The following OR7E24 variants were observed in gnomAD, a reference collection of about 807,000 sequenced individuals.
OR7E24 encodes the protein olfactory receptor 7E24.
For synonymous variants in OR7E24, 130 were observed against 157.5 expected (o/e 0.83, Z 1.31); for missense variants, 385 against 410.3 (o/e 0.94, Z 0.53).
At chr19:9,214,271 G>A in the OR7E24 span, 1 of 1,614,142 alleles carries the variant, frequency 6.2e-7, no homozygotes, top group Non-Finnish European at 8.5e-7. Flanking sequence ...GGGTGTTAGA[G>A]CAGGCCACCT....
the OR7E24 span, chr19:9,207,722 G>A: frequency 6.6e-6 from 1 of 152,126 alleles, no homozygotes; most frequent in Non-Finnish European, 1.5e-5. Flanking sequence ...TTCCCTTCCC[G>A]CCTTTCTCTA....
At chr19:9,224,767 C>CA in the OR7E24 span, among the ~76,000 whole-genome samples, 1,080 of 128,398 alleles carry the variant, frequency 8.4e-3, 9 homozygotes, top group African/African-American at 0.021. Context: ...TTGGTCAAAA[C>CA]AAAAAAAAAA....
At chr19:9,247,558 C>G (rs1306024394), upstream of OR7E24, 1 of 398,724 alleles carries the variant, frequency 2.5e-6, no homozygotes, top group Non-Finnish European at 4.4e-6. Flanking sequence ...TTTCCTCATC[C>G]TCAGCACAAA....
At chr19:9,231,317 C>T in the OR7E24 span, among the ~76,000 whole-genome samples, 1 of 152,102 alleles carries the variant, frequency 6.6e-6, no homozygotes, top group African/African-American at 2.4e-5. Context: ...CATGGTGGCT[C>T]ATGCCTGTAA....
At chr19:9,216,425 G>A in the OR7E24 span, among the ~76,000 whole-genome samples, 1 of 152,152 alleles carries the variant, frequency 6.6e-6, no homozygotes, top group Non-Finnish European at 1.5e-5. Flanking sequence ...CATAGAGAAA[G>A]TTATTTGAAC....
rs1325667972 is a variant in OR7E24 at position 9,251,226 on chromosome 19, G to A, written c.183G>A (p.Leu61=). ...ACCTGGTCACGGTGCTGGGGAACCTGCTCATCATCCTGGCTGTCAGCTCTG... is the reference window on the plus strand; with the variant it reads ...ACCTGGTCACGGTGCTGGGGAACCTACTCATCATCCTGGCTGTCAGCTCTG... ...SMYLVTVLGN[L]LIILAVSSDS... is the part of the protein sequence containing the mutation. Residue 61 remains leucine (L), a synonymous_variant, in exon 1 of 1, where the codon CTG becomes CTA. Transcript: ENST00000456448. The A allele has an allele frequency of 5.0e-6, 8 of 1,613,862 alleles. No individual in the cohort carries two copies. Among genetic ancestry groups the A allele is most frequent in the Middle Eastern group, 3.3e-4 (2 of 6,084 alleles).
upstream of OR7E24, among the ~76,000 whole-genome samples, chr19:9,244,406 G>C (rs1429597463): frequency 3.3e-5 from 5 of 152,162 alleles, no homozygotes; most frequent in African/African-American, 1.2e-4. Flanking sequence ...CACTTATATG[G>C]TCACATGATT....
upstream of OR7E24, among the ~76,000 whole-genome samples, chr19:9,243,697 T>G (rs375479651): frequency 2.4e-4 from 36 of 152,326 alleles, no homozygotes; most frequent in South Asian, 7.4e-3. Context: ...CACACCACCC[T>G]CAAATGGCTC....
At chr19:9,219,583 AG>A in the OR7E24 span, 1 of 152,194 alleles carries the variant, frequency 6.6e-6, no homozygotes, top group Non-Finnish European at 1.5e-5. Flanking sequence ...ATCTGTTCCT[AG>A]GAAGCCGTAC....
upstream of OR7E24, among the ~76,000 whole-genome samples, chr19:9,242,641 C>T (rs1483279619): frequency 1.3e-5 from 2 of 152,168 alleles, no homozygotes; most frequent in Admixed American, 1.3e-4. Context: ...GGCAACTTGA[C>T]GTTGAGACCA....
the OR7E24 span, chr19:9,206,567 C>A: frequency 6.6e-6 from 1 of 152,232 alleles, no homozygotes; most frequent in East Asian, 1.9e-4. Flanking sequence ...AAGTCAATAG[C>A]ATCTTGGAAA....
rs1363945452 is a variant in OR7E24 at position 9,252,607 on chromosome 19, C to T, written c.*544C>T. The T allele has an allele frequency of 3.3e-5, 5 of 153,592 alleles. No individual in the cohort carries two copies. The highest frequency in any genetic ancestry group is 9.7e-5 in the African/African-American group (4 of 41,446). The allele number at this position is 153,592 out of a possible 1,614,324, so 9.5% of individuals were successfully genotyped here. A position where few individuals can be genotyped will look rare whatever the true frequency, so the allele number is the denominator to read the frequency against. ...TCTGTCCAAATCGCATCTAGGAAATCACTTTAGGCAGCTTACGTATGATGA... is the reference window on the plus strand; with the variant it reads ...TCTGTCCAAATCGCATCTAGGAAATTACTTTAGGCAGCTTACGTATGATGA... On this transcript the variant is annotated 3_prime_UTR_variant, in exon 1 of 1. Transcript: ENST00000456448.
chr19:9,235,434 C>G, the OR7E24 span: 5 of 1,605,568 alleles, frequency 3.1e-6, no homozygotes, highest in Non-Finnish European at 4.3e-6. Context: ...ACATGGGGTG[C>G]CTCACTCAGG....
upstream of OR7E24, among the ~76,000 whole-genome samples, chr19:9,246,469 T>TGG: frequency 2.3e-5 from 2 of 85,232 alleles, no homozygotes; most frequent in Non-Finnish European, 4.3e-5. Flanking sequence ...AAAGGTATTG[T>TGG]GTGTGTGTGT....
the OR7E24 span, among the ~76,000 whole-genome samples, chr19:9,220,264 G>A: frequency 6.6e-6 from 1 of 151,990 alleles, no homozygotes; most frequent in African/African-American, 2.4e-5. Context: ...TCATCCTGCT[G>A]TACAATAGAT....
At chr19:9,244,171 T>G (rs938146584), upstream of OR7E24, among the ~76,000 whole-genome samples, 4 of 152,240 alleles carry the variant, frequency 2.6e-5, no homozygotes, top group Admixed American at 6.5e-5. Flanking sequence ...GAATCCACTC[T>G]CCAAAGCCTA....
At chr19:9,224,278 T>A in the OR7E24 span, among the ~76,000 whole-genome samples, 1 of 152,170 alleles carries the variant, frequency 6.6e-6, no homozygotes, top group Non-Finnish European at 1.5e-5. Context: ...GTAGGGCCCA[T>A]AGAATCAGGT....
the OR7E24 span, among the ~76,000 whole-genome samples, chr19:9,242,038 G>A: frequency 4.6e-5 from 7 of 151,958 alleles, no homozygotes; most frequent in East Asian, 1.9e-4. Context: ...TTATCATATC[G>A]AGTGCTGATA....
At chr19:9,234,592 A>G in the OR7E24 span, among the ~76,000 whole-genome samples, 1 of 152,234 alleles carries the variant, frequency 6.6e-6, no homozygotes, top group Non-Finnish European at 1.5e-5. Context: ...TTCCCAACAC[A>G]TAGAAAGGAT....
Sources: gnomAD v4.1 joint callset for allele counts (sites outside exome capture counted in the v4.1 genomes callset) on GRCh38, gnomAD v4.1.1 for gene constraint, MANE v1.5 for transcripts, NCBI Gene and HGNC (gene_info 2026-07-23, HGNC 2026-07-21) for gene names.